SHPRH: variants seen among roughly 807,000 people sequenced by gnomAD.
The protein encoded by SHPRH is E3 ubiquitin-protein ligase SHPRH.
A neutral mutation model predicts 202.5 loss-of-function variants in SHPRH; 106 were observed. That is an observed-to-expected ratio of 0.52 (90% CI 0.45 to 0.62). SHPRH has a LOEUF of 0.62. Ranked by LOEUF, SHPRH falls within the 20% of genes least tolerant of loss-of-function variation. The pLI is 0.00. For synonymous variants in SHPRH, 729 were observed against 686.0 expected, an observed-to-expected ratio of 1.06 and a Z score of -0.98; for missense variants, 1,710 against 2,020.0, an observed-to-expected ratio of 0.85 and a Z score of 2.94.
intron 15 of SHPRH, 91 bp from the exon 16 acceptor site, chr6:145,926,387 A>G (rs1331834307): frequency 5.8e-6 from 6 of 1,036,978 alleles, no homozygotes; most frequent in African/African-American, 1.6e-5. Context: ...GAACACTAAC[A>G]CCACATTAAG....
At chr6:145,924,603 T>C (rs1381533024) in intron 17 of SHPRH, 136 bp downstream of exon 17, 1 of 608,180 alleles carries the variant, frequency 1.6e-6, no homozygotes, top group East Asian at 2.7e-5. Flanking sequence ...AAACTTGTAT[T>C]GTGGGTCAGG....
chr6:145,951,255 CAT>C (rs1197560319), intron 3 of SHPRH, among the ~76,000 whole-genome samples: 5 of 152,022 alleles, frequency 3.3e-5, no homozygotes, highest in Admixed American at 6.6e-5. Flanking sequence ...TTATTAAAAA[CAT>C]AATTCTTTCA....
rs1785635493 is a variant in SHPRH at position 145,932,980 on chromosome 6, CA to C, written c.3112+76del. The C allele has an allele frequency of 6.8e-6, 10 of 1,462,212 alleles. No homozygotes were observed. The South Asian group carries it at 1.2e-4, about 17-fold the overall frequency. The allele number at this position is 1,462,212 out of a possible 1,614,324, so 90.6% of individuals were successfully genotyped here. A position where few individuals can be genotyped will look rare whatever the true frequency, so the allele number is the denominator to read the frequency against. ...GGGGAAAAATCCCCCCCCCAAAAAT[CA>C]AAATCTATTTTTTCTATAATTAACC... On this transcript the variant is annotated intron_variant, in intron 14 of 29. Coordinates refer to ENST00000275233, the MANE Select transcript of SHPRH (RefSeq NM_001042683.3).
At position 145,945,328 on chromosome 6, in the gene SHPRH, G is replaced by T. The variant is rs973203609; in HGVS notation, c.1578+53C>A. ...AAGGTGGGATCTGTCAATGTACTCAGTAAGGTATCACATACGTGTACTTAA... is the reference window on the plus strand; with the variant it reads ...AAGGTGGGATCTGTCAATGTACTCATTAAGGTATCACATACGTGTACTTAA... On this transcript the variant is annotated intron_variant, in intron 8 of 29. Coordinates refer to ENST00000275233, the MANE Select transcript of SHPRH (RefSeq NM_001042683.3). 3 of 1,539,926 alleles carry T rather than the reference G, an allele frequency of 1.9e-6. No homozygotes were observed. In the African/African-American group the frequency reaches 4.2e-5, roughly 21 times the overall value.
At chr6:145,867,631 T>TATATATAGAGAG (rs1554220329) in intron 2 of SHPRH, among the ~76,000 whole-genome samples, 33 of 22,314 alleles carry the variant, frequency 1.5e-3, no homozygotes, top group Middle Eastern at 0.031. Flanking sequence ...TATATATATA[T>TATATATAGAGAG]AGAGAGAGAG....
In SHPRH at chr6:145,936,029, G is replaced by C. The variant is rs148471066; in HGVS notation, c.2570-588C>G. Reference sequence around the variant, plus strand: ...TAAATTATAGTAATCCCACAAAATAGAACTATTTTTCTTTTCTGATTCAGC... The same window carrying C: ...TAAATTATAGTAATCCCACAAAATACAACTATTTTTCTTTTCTGATTCAGC... On this transcript the variant is annotated intron_variant, in intron 11 of 29. Coordinates refer to ENST00000275233, the MANE Select transcript of SHPRH (RefSeq NM_001042683.3). Among the ~76,000 whole-genome samples, 224 of 152,200 alleles carry C rather than the reference G, an allele frequency of 1.5e-3. 1 individual carries two copies. Among genetic ancestry groups the C allele is most frequent in the African/African-American group, 5.2e-3 (216 of 41,538 alleles).
intron 3 of SHPRH, 147 bp downstream of exon 3, chr6:145,952,202 T>C (rs949520822): frequency 1.2e-5 from 8 of 691,758 alleles, no homozygotes; most frequent in Non-Finnish European, 1.6e-5. Context: ...AGTGGGTGCA[T>C]TTCAAATAAG....
downstream of SHPRH, chr6:145,883,799 C>T (rs1780763831): frequency 6.6e-6 from 1 of 151,872 alleles, no homozygotes; most frequent in Non-Finnish European, 1.5e-5. Context: ...TTGGTTTACA[C>T]TCATTTTTTT....
intron 14 of SHPRH, among the ~76,000 whole-genome samples, chr6:145,930,493 A>C (rs2128760544): frequency 6.6e-6 from 1 of 152,182 alleles, no homozygotes; most frequent in East Asian, 1.9e-4. Flanking sequence ...TTTTTAACCC[A>C]AAGGTTTAGA....
At chr6:145,877,532 T>C (rs942904095) in intron 2 of SHPRH, 2 of 152,238 alleles carry the variant, frequency 1.3e-5, no homozygotes, top group African/African-American at 4.8e-5. Context: ...AGCCCCATAA[T>C]ATATTTCCTT....
chr6:145,858,634 A>G, the SHPRH span, among the ~76,000 whole-genome samples: 2 of 152,082 alleles, frequency 1.3e-5, no homozygotes, highest in African/African-American at 4.8e-5. Flanking sequence ...TATGTTCACT[A>G]TCTTGACTGT....
intron 23 of SHPRH, 22 bp downstream of exon 23, chr6:145,918,109 T>C (rs17075500): frequency 0.021 from 32,749 of 1,569,696 alleles, 453 homozygotes; most frequent in Non-Finnish European, 0.025. Context: ...TAGGAAAAAG[T>C]AGCATGTCTT....
At chr6:145,907,143 C>T (rs1783037982) in intron 25 of SHPRH, 1 of 152,088 alleles carries the variant, frequency 6.6e-6, no homozygotes, top group Non-Finnish European at 1.5e-5. Flanking sequence ...TATGATATGT[C>T]TAAATGTATT....
intron 4 of SHPRH, among the ~76,000 whole-genome samples, chr6:145,949,164 A>G (rs1787714956): frequency 6.6e-6 from 1 of 152,110 alleles, no homozygotes; most frequent in South Asian, 2.1e-4. Context: ...GAGATTTCTC[A>G]AAGAACTAAA....
chr6:145,921,410 C>A lies in SHPRH; in HGVS notation c.3783-18G>T. On this transcript the variant is annotated intron_variant, in intron 20 of 29. Transcript: ENST00000275233. Reference sequence around the variant, plus strand: ...CTTTGACTCTGAAAACATACCAGAACAAAACAACAGTAACTGGTATCAGTG... The same window carrying A: ...CTTTGACTCTGAAAACATACCAGAAAAAAACAACAGTAACTGGTATCAGTG... The A allele has an allele frequency of 3.7e-6, 6 of 1,607,422 alleles. No homozygotes were observed. The highest frequency in any genetic ancestry group is 5.1e-6 in the Non-Finnish European group (6 of 1,175,198).
At chr6:145,935,739 A>G (rs1459494559) in intron 11 of SHPRH, 1 of 242,320 alleles carries the variant, frequency 4.1e-6, no homozygotes, top group Non-Finnish European at 8.0e-6. Context: ...AAACCAAAAA[A>G]CCACTCAACT....
chr6:145,901,980 C>T (rs1213510138), intron 25 of SHPRH, among the ~76,000 whole-genome samples: 1 of 152,092 alleles, frequency 6.6e-6, no homozygotes, highest in Non-Finnish European at 1.5e-5. Context: ...CACTAATTCT[C>T]TCTAAGGTCA....
In SHPRH at chr6:145,944,704, T is replaced by G. The variant is rs959818044; in HGVS notation, c.1578+677A>C. Among the ~76,000 whole-genome samples the G allele has an allele frequency of 2.0e-5, 3 of 152,150 alleles. No individual in the cohort carries two copies. In the South Asian group the frequency reaches 6.2e-4, roughly 32 times the overall value. The stretch of plus-strand genomic sequence containing the variant: ...CGAGCTGGTAGCTCCACATTTTGAC[T>G]TGTTGTCATTAATCTTTATTTATGA... On this transcript the variant is annotated intron_variant, in intron 8 of 29. Transcript: ENST00000275233.
At chr6:145,945,782 A>C (rs1787308355) in intron 7 of SHPRH, 145 bp from the exon 8 acceptor site, 1 of 764,434 alleles carries the variant, frequency 1.3e-6, no homozygotes, top group African/African-American at 1.8e-5. Context: ...TTTTGAAAAA[A>C]TATGTAATAA....
Sources: allele counts gnomAD v4.1 joint callset (sites outside exome capture counted in the v4.1 genomes callset), GRCh38; gene constraint gnomAD v4.1.1; transcripts MANE v1.5; gene names NCBI Gene and HGNC (gene_info 2026-07-23, HGNC 2026-07-21).